FBXW7: variants seen among roughly 807,000 people sequenced by gnomAD.
FBXW7 encodes F-box/WD repeat-containing protein 7.
In FBXW7, 11 loss-of-function variants were observed where a neutral mutation model predicts 86.3. The observed-to-expected ratio is 0.13, with a 90% CI of 0.08 to 0.21. FBXW7 has a LOEUF of 0.21. FBXW7 is among the 10% of genes least tolerant of loss of function. FBXW7 has a pLI of 1.00. For synonymous variants in FBXW7, 313 were observed against 297.9 expected (o/e 1.05, Z -0.52); for missense variants, 488 against 847.4 (o/e 0.58, Z 5.27).
chr4:152,472,803 G>C (rs1328690971), intron 2 of FBXW7, among the ~76,000 whole-genome samples: 1 of 152,006 alleles, frequency 6.6e-6, no homozygotes, highest in Non-Finnish European at 1.5e-5. Context: ...AATCAAAGAT[G>C]AAAAATTACC....
intron 7 of FBXW7, among the ~76,000 whole-genome samples, chr4:152,336,294 T>C (rs745475865): frequency 6.6e-6 from 1 of 152,126 alleles, no homozygotes; most frequent in Non-Finnish European, 1.5e-5. Flanking sequence ...ACCCTGGTTA[T>C]TGATTATTTG....
chr4:152,484,295 A>C (rs1351505331), intron 2 of FBXW7, among the ~76,000 whole-genome samples: 2 of 152,190 alleles, frequency 1.3e-5, no homozygotes, highest in Non-Finnish European at 2.9e-5. Context: ...CAAATATACA[A>C]AATGAAAAAT....
chr4:152,418,580 T>C (rs1019421218), intron 2 of FBXW7, among the ~76,000 whole-genome samples: 2 of 152,178 alleles, frequency 1.3e-5, no homozygotes, highest in East Asian at 3.8e-4. Flanking sequence ...TTTCTGAATG[T>C]TCTGACTGTG....
chr4:152,475,250 G>T (rs1744290819), intron 2 of FBXW7, among the ~76,000 whole-genome samples: 1 of 151,700 alleles, frequency 6.6e-6, no homozygotes, highest in Non-Finnish European at 1.5e-5. Flanking sequence ...AACACAGCAA[G>T]ACCTCATCTC....
At chr4:152,455,185 T>C (rs945160484) in intron 2 of FBXW7, among the ~76,000 whole-genome samples, 2 of 152,198 alleles carry the variant, frequency 1.3e-5, no homozygotes, top group African/African-American at 4.8e-5. Context: ...GTCACTTTAA[T>C]TAAAACTACT....
chr4:152,455,278 A>G (rs897359581), intron 2 of FBXW7, among the ~76,000 whole-genome samples: 1 of 152,254 alleles, frequency 6.6e-6, no homozygotes, highest in African/African-American at 2.4e-5. Context: ...AGTTAGTCAC[A>G]TAACTACAGG....
chr4:152,442,265 T>C (rs1390922323), intron 2 of FBXW7, among the ~76,000 whole-genome samples: 3 of 152,196 alleles, frequency 2.0e-5, no homozygotes, highest in Non-Finnish European at 2.9e-5. Context: ...GTTCTCAAAC[T>C]TCAGTAGAAT....
intron 2 of FBXW7, among the ~76,000 whole-genome samples, chr4:152,519,779 C>G (rs1217509764): frequency 6.6e-6 from 1 of 152,184 alleles, no homozygotes; most frequent in South Asian, 2.1e-4. Flanking sequence ...GTCAGTACAA[C>G]TTTCCATTTT....
chr4:152,509,554 G>A (rs756756697), intron 2 of FBXW7, among the ~76,000 whole-genome samples: 1 of 151,968 alleles, frequency 6.6e-6, no homozygotes, highest in Non-Finnish European at 1.5e-5. Context: ...TGAGGTTAAC[G>A]AACGTAAACT....
intron 2 of FBXW7, among the ~76,000 whole-genome samples, chr4:152,463,784 C>G (rs888709987): frequency 6.6e-6 from 1 of 152,124 alleles, no homozygotes. Context: ...ACATAATGAA[C>G]ACGAGACCAT....
chr4:152,350,103 C>G lies in FBXW7; in HGVS notation c.523G>C (p.Gly175Arg). The change falls in exon 5 of 14, where the codon GGT becomes CGT. Residue 175 changes from glycine to arginine, a missense_variant. Gly to Arg is a moderately radical substitution (Grantham distance 125). This residue lies in a region of FBXW7 where 230 missense variants were observed against 240.0 expected (regional missense o/e 0.96). Coordinates refer to ENST00000281708, the MANE Select transcript of FBXW7 (RefSeq NM_001349798.2). ...TTKMKRKLDH[G>R]SEVRSFSLGK... ...AAAGAAAAAGAGCGGACCTCAGAACCATGGTCCAACTTTCTTTTCATCTAT... is the reference window on the plus strand; with the variant it reads ...AAAGAAAAAGAGCGGACCTCAGAACGATGGTCCAACTTTCTTTTCATCTAT... 6.4e-7 allele frequency: 1 copy of G among 1,560,032 alleles called. No homozygotes were observed. The highest frequency in any genetic ancestry group is 8.7e-7 in the Non-Finnish European group (1 of 1,147,826).
intron 4 of FBXW7, among the ~76,000 whole-genome samples, chr4:152,365,156 G>A (rs747736734): frequency 5.9e-5 from 9 of 152,096 alleles, no homozygotes; most frequent in Non-Finnish European, 1.2e-4. Context: ...AGCTAGGTTC[G>A]GAGCAGGGAG....
intron 12 of FBXW7, 41 bp downstream of exon 12, chr4:152,325,965 T>C (rs919458273): frequency 6.6e-7 from 1 of 1,514,598 alleles, no homozygotes. Context: ...AACCTTATGA[T>C]TCATCAGGAG....
Position 152,536,090 on chromosome 4 carries a change from G to A in FBXW7, c.-1176C>T, listed in dbSNP as rs1028981673. 3.7e-5 allele frequency: 6 copies of A among 160,586 alleles called. No individual in the cohort carries two copies. Among genetic ancestry groups the A allele is most frequent in the Non-Finnish European group, 6.9e-5 (5 of 72,504 alleles). The allele number at this position is 160,586 out of a possible 1,614,324, so 9.9% of individuals were successfully genotyped here. A position where few individuals can be genotyped will look rare whatever the true frequency, so the allele number is the denominator to read the frequency against. ...TGCGGGGCTCTCGCCTCACTCCAGA[G>A]AGAGGGGCGGGAGGAGAGCGGCGCC... On this transcript the variant is annotated 5_prime_UTR_variant, in exon 1 of 14. Coordinates refer to ENST00000281708, the MANE Select transcript of FBXW7 (RefSeq NM_001349798.2).
intron 4 of FBXW7, among the ~76,000 whole-genome samples, chr4:152,405,407 G>T (rs1441251193): frequency 1.3e-5 from 2 of 152,126 alleles, no homozygotes; most frequent in Non-Finnish European, 2.9e-5. Context: ...GAAGGAGTAT[G>T]ATTCAAAACA....
chr4:152,424,466 A>T (rs1381289682), intron 2 of FBXW7, among the ~76,000 whole-genome samples: 1 of 152,216 alleles, frequency 6.6e-6, no homozygotes, highest in Non-Finnish European at 1.5e-5. Context: ...TCTATTACTT[A>T]AAACTCTCTT....
intron 2 of FBXW7, among the ~76,000 whole-genome samples, chr4:152,529,765 A>G (rs1749842765): frequency 6.6e-6 from 1 of 152,076 alleles, no homozygotes; most frequent in African/African-American, 2.4e-5. Context: ...TCAGGAGTTA[A>G]GAGACCAGCC....
intron 5 of FBXW7, among the ~76,000 whole-genome samples, chr4:152,349,712 C>G (rs955791744): frequency 6.6e-6 from 1 of 151,832 alleles, no homozygotes; most frequent in Non-Finnish European, 1.5e-5. Context: ...CCTAGAACAG[C>G]TGTTCCTATA....
chr4:152,412,475 C>T lies in FBXW7; in HGVS notation c.-70+5G>A, dbSNP rs1040184496. On this transcript the variant is annotated splice_donor_5th_base_variant and intron_variant, in intron 3 of 13. Coordinates refer to ENST00000281708, the MANE Select transcript of FBXW7 (RefSeq NM_001349798.2). The stretch of plus-strand genomic sequence containing the variant: ...TATTTAAAAAAAAAGTTCATAAGTT[C>T]ATACCCTCTGACCCAGTAACTCCAC... 3 of 151,752 alleles carry T rather than the reference C, an allele frequency of 2.0e-5. No individual in the cohort carries two copies. In the East Asian group the frequency reaches 5.8e-4, roughly 29 times the overall value. 9.4% of individuals were successfully genotyped at this position (151,752 alleles called of 1,614,324 possible).
Sources: gnomAD v4.1 joint callset for allele counts (sites outside exome capture counted in the v4.1 genomes callset) on GRCh38, gnomAD v4.1.1 for gene constraint, gnomAD v4.1.1 regional missense constraint, MANE v1.5 for transcripts, NCBI Gene and HGNC (gene_info 2026-07-23, HGNC 2026-07-21) for gene names.